Variants in CREB5 observed in about 807,000 individuals in gnomAD.
CREB5 encodes cyclic AMP-responsive element-binding protein 5.
Under a neutral mutation model 57.1 loss-of-function variants are expected in CREB5, and 19 were observed. The observed-to-expected ratio is 0.33, with a 90% CI of 0.23 to 0.49. CREB5 has a LOEUF of 0.49. Among genes scored for constraint, CREB5 ranks in the 20% least tolerant of loss-of-function variants. The pLI, the probability that CREB5 is intolerant of heterozygous loss-of-function variation, is 0.99. For missense variants in CREB5, 579 were observed against 671.6 expected (o/e 0.86, Z 1.52); for synonymous variants, 238 against 238.3 (o/e 1.00, Z 0.01).
intron 2 of CREB5, among the ~76,000 whole-genome samples, chr7:28,490,501 G>A (rs1054884167): frequency 1.1e-4 from 17 of 152,242 alleles, no homozygotes; most frequent in African/African-American, 3.9e-4. Context: ...GGGGCTGTAA[G>A]CCATATCTAA....
At position 28,656,296 on chromosome 7, in the gene CREB5, G is replaced by C. The variant is rs181858211; in HGVS notation, c.465-62457G>C. Among the ~76,000 whole-genome samples, 335 of 152,110 alleles carry C rather than the reference G, an allele frequency of 2.2e-3. 1 individual carries two copies. Among genetic ancestry groups the C allele is most frequent in the African/African-American group, 7.4e-3 (308 of 41,496 alleles). On this transcript the variant is annotated intron_variant, in intron 5 of 10. Coordinates refer to ENST00000357727, the MANE Select transcript of CREB5 (RefSeq NM_182898.4). ...AATTATGAAGATGAAGACGAGAGAG[G>C]TTTTTTGAGATAATTATTAAACCTA...
intron 8 of CREB5, among the ~76,000 whole-genome samples, chr7:28,807,851 A>G (rs981233063): frequency 1.2e-4 from 19 of 152,120 alleles, no homozygotes; most frequent in Admixed American, 9.2e-4. Context: ...GCATGAGGGA[A>G]AGCATTAGGT....
intron 5 of CREB5, among the ~76,000 whole-genome samples, chr7:28,683,384 C>A (rs1434959177): frequency 6.6e-6 from 1 of 152,048 alleles, no homozygotes; most frequent in Non-Finnish European, 1.5e-5. Context: ...AGTTATGTCC[C>A]GAACAACAAG....
intron 1 of CREB5, among the ~76,000 whole-genome samples, chr7:28,430,648 G>A (rs1374405685): frequency 6.6e-6 from 1 of 151,410 alleles, no homozygotes; most frequent in East Asian, 1.9e-4. Context: ...AATTTAGGGG[G>A]CTCAGTTTTC....
At chr7:28,340,883 C>T (rs577305372) in intron 1 of CREB5, among the ~76,000 whole-genome samples, 1 of 152,188 alleles carries the variant, frequency 6.6e-6, no homozygotes, top group Admixed American at 6.5e-5. Flanking sequence ...CAGTTGAGTT[C>T]TGCTCTCTGT....
chr7:28,348,046 T>C (rs926998053), intron 1 of CREB5, among the ~76,000 whole-genome samples: 2 of 152,132 alleles, frequency 1.3e-5, no homozygotes, highest in African/African-American at 4.8e-5. Context: ...GTGTGAGCTA[T>C]GAAGTGCTGT....
At chr7:28,324,461 G>T (rs1342503750) in intron 1 of CREB5, among the ~76,000 whole-genome samples, 1 of 151,836 alleles carries the variant, frequency 6.6e-6, no homozygotes, top group Non-Finnish European at 1.5e-5. Flanking sequence ...TTTTTGATAT[G>T]CCTTTAAAAA....
Position 28,689,909 on chromosome 7 carries a change from GGTGTGT to G in CREB5, c.465-28811_465-28806del, listed in dbSNP as rs34310030. 3.0e-3 allele frequency among the ~76,000 whole-genome samples: 431 copies of G among 141,664 alleles called. 3 individuals are homozygous for G. Among genetic ancestry groups the G allele is most frequent in the Non-Finnish European group, 4.5e-3 (298 of 65,522 alleles). The allele number at this position is 141,664 out of a possible 152,430, so 92.9% of individuals were successfully genotyped here. A position where few individuals can be genotyped will look rare whatever the true frequency, so the allele number is the denominator to read the frequency against. On this transcript the variant is annotated intron_variant, in intron 5 of 10. Coordinates refer to ENST00000357727, the MANE Select transcript of CREB5 (RefSeq NM_182898.4). ...GAATTCTCCCATTTTACTTGTATTT[GGTGTGT>G]GTGTGTGTGTGTGTGTGTGTGTGTG...
At chr7:28,402,964 C>T (rs1419918569) in intron 1 of CREB5, among the ~76,000 whole-genome samples, 2 of 152,182 alleles carry the variant, frequency 1.3e-5, no homozygotes, top group African/African-American at 4.8e-5. Flanking sequence ...TACGCACCTG[C>T]ACCTCCAATC....
At chr7:28,365,181 G>T (rs145376368) in intron 1 of CREB5, among the ~76,000 whole-genome samples, 1 of 151,918 alleles carries the variant, frequency 6.6e-6, no homozygotes, top group African/African-American at 2.4e-5. Flanking sequence ...CTTCCATCTC[G>T]TTTACTCTAT....
At chr7:28,763,229 C>G (rs1805765803) in intron 7 of CREB5, among the ~76,000 whole-genome samples, 2 of 152,198 alleles carry the variant, frequency 1.3e-5, no homozygotes, top group African/African-American at 4.8e-5. Flanking sequence ...ATAAGAAAAG[C>G]ACTTAGATGT....
chr7:28,325,181 G>T lies in CREB5; in HGVS notation c.-25+25740G>T, dbSNP rs1785564506. Among the ~76,000 whole-genome samples, 3 of 152,198 alleles carry T rather than the reference G, an allele frequency of 2.0e-5. No homozygotes were observed. The South Asian group carries it at 6.2e-4, about 31-fold the overall frequency. ...GTTTAAAAAATGTAAATCAGGCCGG[G>T]CGCAGTGGCTCACGCCTATAATCCC... On this transcript the variant is annotated intron_variant, in intron 1 of 9. Transcript: ENST00000396299.
intron 5 of CREB5, among the ~76,000 whole-genome samples, chr7:28,589,457 G>A (rs1370714440): frequency 1.3e-5 from 2 of 152,154 alleles, no homozygotes; most frequent in African/African-American, 4.8e-5. Flanking sequence ...GGGAGGCTGA[G>A]GCAGGAGAAT....
At chr7:28,560,032 G>A (rs1459135365) in intron 4 of CREB5, among the ~76,000 whole-genome samples, 1 of 152,236 alleles carries the variant, frequency 6.6e-6, no homozygotes, top group Non-Finnish European at 1.5e-5. Context: ...GGATGTCAGA[G>A]CAGAGAAGAG....
chr7:28,673,349 T>C (rs1263480212), intron 5 of CREB5, among the ~76,000 whole-genome samples: 2 of 152,128 alleles, frequency 1.3e-5, no homozygotes, highest in Non-Finnish European at 2.9e-5. Flanking sequence ...CCAGAAAGCA[T>C]CTGCTCCTAT....
intron 1 of CREB5, among the ~76,000 whole-genome samples, chr7:28,343,232 G>T (rs1037898443): frequency 6.6e-6 from 1 of 152,156 alleles, no homozygotes; most frequent in Non-Finnish European, 1.5e-5. Context: ...GAGCCACTGC[G>T]CCTGGCCTGA....
At chr7:28,360,365 A>C (rs997093423) in intron 1 of CREB5, among the ~76,000 whole-genome samples, 1 of 152,240 alleles carries the variant, frequency 6.6e-6, no homozygotes, top group African/African-American at 2.4e-5. Flanking sequence ...GTATCTATCC[A>C]CAATGGAATG....
chr7:28,312,191 TA>T lies in CREB5; in HGVS notation c.-25+12763del, dbSNP rs10692775. Among the ~76,000 whole-genome samples, 141 of 147,320 alleles carry T rather than the reference TA, an allele frequency of 9.6e-4. 2 individuals carry two copies. The highest frequency in any genetic ancestry group is 8.8e-3 in the South Asian group (41 of 4,658). ...TGAAAGGAAATACTTAGCTAATTGA[TA>T]AAAAAAAAAAAAGTGGAATTTTAGC... On this transcript the variant is annotated intron_variant, in intron 1 of 9. Transcript: ENST00000396299.
At chr7:28,571,300 G>A (rs1468619451) in intron 5 of CREB5, among the ~76,000 whole-genome samples, 3 of 152,062 alleles carry the variant, frequency 2.0e-5, no homozygotes, top group African/African-American at 4.8e-5. Flanking sequence ...GCAAAACCAC[G>A]GATAAGGGGG....
Sources: allele counts gnomAD v4.1 joint callset (sites outside exome capture counted in the v4.1 genomes callset), GRCh38; gene constraint gnomAD v4.1.1; transcripts MANE v1.5; gene names NCBI Gene and HGNC (gene_info 2026-07-23, HGNC 2026-07-21).